The following ATRX variants were observed in gnomAD, a reference collection of about 807,000 sequenced individuals.
ATRX encodes the protein ATRX chromatin remodeler.
ATRX carries 12 observed loss-of-function variants against 172.6 expected under a neutral mutation model. The observed-to-expected ratio is 0.07, with a 90% CI of 0.04 to 0.11. ATRX has a LOEUF of 0.11. Among genes scored for constraint, ATRX ranks in the 10% least tolerant of loss-of-function variants. The probability of loss-of-function intolerance (pLI) is 1.00; values close to 1 mark genes in which losing one functional copy is unlikely to be tolerated. For missense variants in ATRX, 1,368 were observed against 1,767.4 expected, an observed-to-expected ratio of 0.77 and a Z score of 4.05; for synonymous variants, 674 against 594.7, an observed-to-expected ratio of 1.13 and a Z score of -1.94.
chrX:77,672,224 C>CA lies in ATRX; in HGVS notation c.3809+4001dup, dbSNP rs201714284. Among the ~76,000 whole-genome samples, 700 of 105,466 alleles carry CA rather than the reference C, an allele frequency of 6.6e-3. 1 individual carries two copies. Among genetic ancestry groups the CA allele is most frequent in the Admixed American group, 0.012 (113 of 9,811 alleles). 91.6% of individuals were successfully genotyped at this position (105,466 alleles called of 115,157 possible). On this transcript the variant is annotated intron_variant, in intron 10 of 34. Coordinates refer to ENST00000373344, the MANE Select transcript of ATRX (RefSeq NM_000489.6). ...TTTTGCTAACGAAACAGAACTACCA[C>CA]AAAAAAAAAATCACAGAAAAAAATT...
chrX:77,718,626 G>A (rs183194938), intron 1 of ATRX, among the ~76,000 whole-genome samples: 1 of 110,661 alleles, frequency 9.0e-6, no homozygotes. Flanking sequence ...CACCCATCTC[G>A]GCCTCCCAAA....
At chrX:77,539,115 G>A (rs1176880187) in intron 30 of ATRX, among the ~76,000 whole-genome samples, 3 of 109,728 alleles carry the variant, frequency 2.7e-5, no homozygotes, top group Non-Finnish European at 5.7e-5. Context: ...GAATGGTCTC[G>A]ATCTCTTGAC....
rs373418266 is a variant in ATRX, at chrX:77,620,356, T to G, written c.5272+39A>C. The G allele has an allele frequency of 3.7e-5, 44 of 1,182,499 alleles. No individual in the cohort carries two copies. In the African/African-American group the frequency reaches 7.1e-4, roughly 19 times the overall value. ...CGTTACAAAAATATATCTGAGGAAA[T>G]ACCAATATTCTACTGCATAATCAGA... On this transcript the variant is annotated intron_variant, in intron 20 of 34. Coordinates refer to ENST00000373344, the MANE Select transcript of ATRX (RefSeq NM_000489.6).
intron 30 of ATRX, among the ~76,000 whole-genome samples, chrX:77,546,388 C>T (rs1314283006): frequency 3.6e-5 from 4 of 111,535 alleles, no homozygotes; most frequent in Non-Finnish European, 7.5e-5. Context: ...AATTATACTA[C>T]TACATACCTT....
At chrX:77,760,849 T>C (rs1441345515) in intron 1 of ATRX, among the ~76,000 whole-genome samples, 3 of 112,234 alleles carry the variant, frequency 2.7e-5, no homozygotes, top group African/African-American at 9.7e-5. Context: ...TACTTACTTC[T>C]GAAAATATGC....
At chrX:77,564,328 G>A (rs2065122178) in intron 28 of ATRX, among the ~76,000 whole-genome samples, 1 of 111,233 alleles carries the variant, frequency 9.0e-6, no homozygotes, top group African/African-American at 3.3e-5. Flanking sequence ...GATGGGTAGG[G>A]CCCTCAGGAT....
At chrX:77,637,966 CA>C (rs1444292880) in intron 15 of ATRX, among the ~76,000 whole-genome samples, 2 of 76,140 alleles carry the variant, frequency 2.6e-5, no homozygotes, top group African/African-American at 9.6e-5. Context: ...AAAACACAAA[CA>C]AACAAAAAAA....
chrX:77,563,171 C>A (rs1213358873), intron 28 of ATRX, among the ~76,000 whole-genome samples: 1 of 112,117 alleles, frequency 8.9e-6, no homozygotes, highest in Non-Finnish European at 1.9e-5. Flanking sequence ...CTCTGACTAA[C>A]CCTAGATGCA....
At chrX:77,659,087 A>G (rs2069713785) in intron 12 of ATRX, among the ~76,000 whole-genome samples, 1 of 111,573 alleles carries the variant, frequency 9.0e-6, no homozygotes, top group Non-Finnish European at 1.9e-5. Flanking sequence ...TTTAATGGTT[A>G]AAGAGATTCC....
intron 2 of ATRX, among the ~76,000 whole-genome samples, chrX:77,706,730 T>C (rs1236913538): frequency 9.3e-6 from 1 of 107,428 alleles, no homozygotes; most frequent in Non-Finnish European, 1.9e-5. Context: ...TAAGACCTCA[T>C]CTCTAAAAAA....
intron 10 of ATRX, among the ~76,000 whole-genome samples, chrX:77,667,898 A>C (rs188313341): frequency 1.8e-5 from 2 of 111,858 alleles, no homozygotes; most frequent in Admixed American, 1.9e-4. Context: ...CAAATCACAA[A>C]TTATATACAG....
At chrX:77,677,665 A>T (rs781893768) in intron 9 of ATRX, among the ~76,000 whole-genome samples, 1 of 98,694 alleles carries the variant, frequency 1.0e-5, no homozygotes, top group Admixed American at 1.1e-4. Context: ...ACCTCCCTGT[A>T]TTTTTTTTTT....
At chrX:77,588,100 T>C (rs1428184168) in intron 27 of ATRX, among the ~76,000 whole-genome samples, 1 of 112,269 alleles carries the variant, frequency 8.9e-6, no homozygotes, top group Non-Finnish European at 1.9e-5. Flanking sequence ...TGGAATAGAA[T>C]TGAGGGTCAG....
intron 21 of ATRX, 26 bp from the exon 22 acceptor site, chrX:77,616,756 AAATT>A: frequency 9.9e-7 from 1 of 1,005,927 alleles, no homozygotes; most frequent in Non-Finnish European, 1.4e-6. Flanking sequence ...AAGAGAATGA[AAATT>A]AATCTAAATA....
At chrX:77,670,902 C>T (rs1163873239) in intron 10 of ATRX, among the ~76,000 whole-genome samples, 1 of 104,872 alleles carries the variant, frequency 9.5e-6, no homozygotes, top group African/African-American at 3.5e-5. Context: ...AATCCCAGCA[C>T]TTTGGGAGGC....
chrX:77,621,745 T>C (rs1053225523), intron 19 of ATRX, among the ~76,000 whole-genome samples: 18 of 111,842 alleles, frequency 1.6e-4, no homozygotes, highest in African/African-American at 4.9e-4. Flanking sequence ...TTAGAGAAAA[T>C]GCAACTTTTA....
chrX:77,530,777 C>G (rs1418191966), intron 30 of ATRX, among the ~76,000 whole-genome samples: 1 of 109,528 alleles, frequency 9.1e-6, no homozygotes, highest in African/African-American at 3.3e-5. Flanking sequence ...CAAACAGAGA[C>G]ATGGAAAACC....
intron 28 of ATRX, among the ~76,000 whole-genome samples, chrX:77,563,751 C>T (rs1463875772): frequency 1.9e-5 from 2 of 106,299 alleles, no homozygotes; most frequent in East Asian, 2.9e-4. Context: ...AGACATATTA[C>T]GGCATTAGCC....
chrX:77,786,046 C>G lies in ATRX; in HGVS notation c.-45G>C, dbSNP rs782763356. 1 of 1,166,336 alleles carries G rather than the reference C, an allele frequency of 8.6e-7. No individual in the cohort carries two copies. Among genetic ancestry groups the G allele is most frequent in the Admixed American group, 2.5e-5 (1 of 40,541 alleles). On this transcript the variant is annotated 5_prime_UTR_variant, in exon 1 of 35. Coordinates refer to ENST00000373344, the MANE Select transcript of ATRX (RefSeq NM_000489.6). The stretch of plus-strand genomic sequence containing the variant: ...GTCGGCTTCTGTGATTGCTGGGCGC[C>G]GATCTGCGCTCCCCCGCGCCCGGTT...
Sources: allele counts gnomAD v4.1 joint callset (sites outside exome capture counted in the v4.1 genomes callset), GRCh38; gene constraint gnomAD v4.1.1; transcripts MANE v1.5; gene names NCBI Gene and HGNC (gene_info 2026-07-23, HGNC 2026-07-21).